Variants in BRD3 observed in about 807,000 individuals in gnomAD.
BRD3 encodes the protein bromodomain containing 3, also known as bromodomain-containing protein 3.
In BRD3, 17 loss-of-function variants were observed where a neutral mutation model predicts 66.8. The ratio of observed to expected loss-of-function variants is 0.25; its 90% CI spans 0.17 to 0.38. The LOEUF is 0.38. Ranked by LOEUF, BRD3 falls within the 10% of genes least tolerant of loss-of-function variation. BRD3 has a pLI of 1.00. For synonymous variants in BRD3, 421 were observed against 393.2 expected, an observed-to-expected ratio of 1.07 and a Z score of -0.84; for missense variants, 713 against 956.1, an observed-to-expected ratio of 0.75 and a Z score of 3.35.
At chr9:134,050,046 G>A (rs1830256836) in intron 5 of BRD3, among the ~76,000 whole-genome samples, 1 of 152,232 alleles carries the variant, frequency 6.6e-6, no homozygotes, top group Non-Finnish European at 1.5e-5. Flanking sequence ...TGTGAGCAGG[G>A]GAGGACCGGG....
Position 134,032,141 on chromosome 9 carries a change from G to A in BRD3, c.*1449C>T, listed in dbSNP as rs781644877. 4 of 217,228 alleles carry A rather than the reference G, an allele frequency of 1.8e-5. No homozygotes were observed. Among genetic ancestry groups the A allele is most frequent in the Non-Finnish European group, 2.8e-5 (3 of 107,954 alleles). The allele number at this position is 217,228 out of a possible 1,614,324, so 13.5% of individuals were successfully genotyped here. A position where few individuals can be genotyped will look rare whatever the true frequency, so the allele number is the denominator to read the frequency against. On this transcript the variant is annotated 3_prime_UTR_variant, in exon 12 of 12. Transcript: ENST00000303407. ...TGGTGGGCCAGTTTGGGACATCCCC[G>A]TACTCAAAGACCATATGGCAGCCTC...
intron 1 of BRD3, among the ~76,000 whole-genome samples, chr9:134,064,312 G>A (rs1034464584): frequency 3.3e-5 from 5 of 151,934 alleles, no homozygotes. Flanking sequence ...TGGATCACCT[G>A]AGGTCAGGAG....
chr9:134,043,397 G>A (rs1318238336), intron 7 of BRD3, among the ~76,000 whole-genome samples: 1 of 152,230 alleles, frequency 6.6e-6, no homozygotes, highest in East Asian at 1.9e-4. Context: ...ACAGTGATGT[G>A]GAAATGAGGG....
At chr9:134,067,877 AGCCCG>A (rs1830704506) in intron 1 of BRD3, 63 bp downstream of exon 1, 1 of 142,584 alleles carries the variant, frequency 7.0e-6, no homozygotes, top group African/African-American at 2.5e-5. Flanking sequence ...TCCCCGGCCC[AGCCCG>A]GCCCGCCGCC....
Position 134,031,751 on chromosome 9 carries a change from A to G in BRD3, c.*1839T>C, listed in dbSNP as rs552299738. On this transcript the variant is annotated 3_prime_UTR_variant, in exon 12 of 12. Coordinates refer to ENST00000303407, the MANE Select transcript of BRD3 (RefSeq NM_007371.4). ...TGTTTTAAAATCACCGTGTATTAGG[A>G]TACTAATGATAGTCCCTATATCCAT... 5 of 213,298 alleles carry G rather than the reference A, an allele frequency of 2.3e-5. No individual in the cohort carries two copies. In the East Asian group the frequency reaches 3.5e-4, roughly 15 times the overall value. 13.2% of individuals were successfully genotyped at this position (213,298 alleles called of 1,614,324 possible). A position where few individuals can be genotyped will look rare whatever the true frequency, so the allele number is the denominator to read the frequency against.
At position 134,036,148 on chromosome 9, in the gene BRD3, C is replaced by G; in HGVS notation, c.1820G>C (p.Arg607Thr). The change falls in exon 10 of 12, where the codon AGG becomes ACG. Residue 607 changes from arginine to threonine, a missense_variant. Coordinates refer to ENST00000303407, the MANE Select transcript of BRD3 (RefSeq NM_007371.4). ...HIIQSREPSL[R>T]DSNPDEIEID... is the part of the protein sequence containing the mutation. ...TTCTATCTCGTCGGGGTTGGAGTCC[C>G]TGAGCGAGGGCTCCCGAGATTGGAT... 1.2e-6 allele frequency: 2 copies of G among 1,614,252 alleles called. No homozygotes were observed. The highest frequency in any genetic ancestry group is 1.7e-6 in the Non-Finnish European group (2 of 1,180,050).
chr9:134,051,083 C>A (rs1830284015), intron 4 of BRD3, among the ~76,000 whole-genome samples: 1 of 152,194 alleles, frequency 6.6e-6, no homozygotes, highest in South Asian at 2.1e-4. Context: ...TCCTGGGGCT[C>A]ACGACACTAA....
intron 5 of BRD3, among the ~76,000 whole-genome samples, chr9:134,049,631 C>T (rs539831300): frequency 2.0e-5 from 3 of 152,354 alleles, no homozygotes; most frequent in Admixed American, 6.5e-5. Flanking sequence ...TAAGTGCAGG[C>T]AGTGAAGGCC....
Position 134,041,872 on chromosome 9 carries a change from A to G in BRD3, c.1295T>C (p.Met432Thr). The G allele has an allele frequency of 6.2e-7, 1 of 1,612,380 alleles. No individual in the cohort carries two copies. The highest frequency in any genetic ancestry group is 8.5e-7 in the Non-Finnish European group (1 of 1,179,442). The stretch of plus-strand genomic sequence containing the variant: ...GCTGCTCTCAGCGCCCTTGCTCACC[A>G]TGGGGGCCGCGGGGGCAGGCAGCGC... ...APALPAPAAP[M>T]VSKGAESSRS... Residue 432 changes from methionine to threonine, a missense_variant, in exon 8 of 12, where the codon ATG (methionine) becomes ACG (threonine). By Grantham distance (81) the Met-to-Thr change is moderately conservative (BLOSUM62 -1). This residue lies in a region of BRD3 where 418 missense variants were observed against 609.3 expected (regional missense o/e 0.69). Transcript: ENST00000303407.
At chr9:134,037,920 T>C (rs62575776) in intron 9 of BRD3, among the ~76,000 whole-genome samples, 1 of 151,988 alleles carries the variant, frequency 6.6e-6, no homozygotes, top group African/African-American at 2.4e-5. Flanking sequence ...ACAATCCGAG[T>C]GGAATGGATT....
At chr9:134,067,820 T>G (rs1305017758) in intron 1 of BRD3, 125 bp downstream of exon 1, 1 of 140,504 alleles carries the variant, frequency 7.1e-6, no homozygotes, top group East Asian at 2.3e-4. Context: ...GGGCGCCCGG[T>G]TCACCCGGAC....
In BRD3 at chr9:134,052,358, T is replaced by C. The variant is rs1564556182; in HGVS notation, c.299A>G (p.Glu100Gly). 6.2e-7 allele frequency: 1 copy of C among 1,613,628 alleles called. No individual in the cohort carries two copies. The highest frequency in any genetic ancestry group is 1.7e-5 in the Admixed American group (1 of 60,026). The change falls in exon 3 of 12, where the codon GAA becomes GGA. Residue 100 changes from glutamate (E) to glycine (G), a missense_variant. Glu to Gly is a moderately conservative substitution (Grantham distance 98). Around this residue, in one of 5 missense-constraint regions of BRD3, gnomAD observed 85 missense variants for 152.4 expected, o/e 0.56. Coordinates refer to ENST00000303407, the MANE Select transcript of BRD3 (RefSeq NM_007371.4). Reference protein sequence around the residue: ...LENNYYWSASECMQDFNTMFT... With the variant: ...LENNYYWSASGCMQDFNTMFT... ...CATGGTGTTGAAGTCCTGCATACAT[T>C]CGCTTGCACTCCAATAATAATTATT...
In BRD3 at chr9:134,031,010, C is replaced by A. The variant is rs143008006; in HGVS notation, c.*2580G>T. On this transcript the variant is annotated 3_prime_UTR_variant, in exon 12 of 12. Coordinates refer to ENST00000303407, the MANE Select transcript of BRD3 (RefSeq NM_007371.4). ...ACGGACGTGACTGTCACCCTCAGCCCGCCAGCAAGGGCGCTGAGGAAGTCA... is the reference window on the plus strand; with the variant it reads ...ACGGACGTGACTGTCACCCTCAGCCAGCCAGCAAGGGCGCTGAGGAAGTCA... 4.3e-6 allele frequency: 1 copy of A among 230,926 alleles called. No homozygotes were observed. The highest frequency in any genetic ancestry group is 8.6e-6 in the Non-Finnish European group (1 of 116,646). The allele number at this position is 230,926 out of a possible 1,614,324, so 14.3% of individuals were successfully genotyped here.
rs756605447 is a variant in BRD3 at position 134,053,245 on chromosome 9, G to A, written c.213+20C>T. Reference sequence around the variant, plus strand: ...CGGCAGCAGCAGAACGTGGCTCTTGGGGAGGCAGCAGCTACGCACCGGCAG... The same window carrying A: ...CGGCAGCAGCAGAACGTGGCTCTTGAGGAGGCAGCAGCTACGCACCGGCAG... On this transcript the variant is annotated intron_variant, in intron 2 of 11. Transcript: ENST00000303407. 1 of 1,612,580 alleles carries A rather than the reference G, an allele frequency of 6.2e-7. No homozygotes were observed. Among genetic ancestry groups the A allele is most frequent in the South Asian group, 1.1e-5 (1 of 91,074 alleles).
In BRD3 at chr9:134,032,276, A is replaced by G. The variant is rs1588267520; in HGVS notation, c.*1314T>C. On this transcript the variant is annotated 3_prime_UTR_variant, in exon 12 of 12. Transcript: ENST00000303407. ...AGATTTACTATACATTTTTTCTCTCAGATTACAAAGTTTATATTATATAAC... is the reference window on the plus strand; with the variant it reads ...AGATTTACTATACATTTTTTCTCTCGGATTACAAAGTTTATATTATATAAC... The G allele has an allele frequency of 2.3e-5, 5 of 218,598 alleles. No individual in the cohort carries two copies. The East Asian group carries it at 3.4e-4, about 15-fold the overall frequency. 13.5% of individuals were successfully genotyped at this position (218,598 alleles called of 1,614,324 possible).
At chr9:134,065,759 C>A (rs1396799228) in intron 1 of BRD3, among the ~76,000 whole-genome samples, 2 of 152,206 alleles carry the variant, frequency 1.3e-5, no homozygotes, top group African/African-American at 4.8e-5. Context: ...CACCATGCCT[C>A]AGGGAAAGTG....
intron 3 of BRD3, 61 bp from the exon 4 acceptor site, chr9:134,051,770 A>G: frequency 2.6e-6 from 4 of 1,541,352 alleles, no homozygotes; most frequent in South Asian, 1.3e-5. Flanking sequence ...TGCAAAGGAC[A>G]TTATTAGTTG....
At chr9:134,039,523 G>A (rs1829994532) in intron 9 of BRD3, among the ~76,000 whole-genome samples, 1 of 152,268 alleles carries the variant, frequency 6.6e-6, no homozygotes, top group East Asian at 1.9e-4. Context: ...CCTTCCACCT[G>A]GCCAGGAGAG....
chr9:134,060,198 A>G (rs1287568442), intron 1 of BRD3, among the ~76,000 whole-genome samples: 2 of 152,206 alleles, frequency 1.3e-5, no homozygotes, highest in African/African-American at 4.8e-5. Context: ...CCTGCCTTAG[A>G]CACAAGAGGA....
Sources: allele counts gnomAD v4.1 joint callset (sites outside exome capture counted in the v4.1 genomes callset), GRCh38; gene constraint gnomAD v4.1.1; regional missense constraint gnomAD v4.1.1; transcripts MANE v1.5; gene names NCBI Gene and HGNC (gene_info 2026-07-23, HGNC 2026-07-21).